SERPINB12: variants seen among roughly 807,000 people sequenced by gnomAD.
SERPINB12 encodes serpin B12.
A neutral mutation model predicts 41.1 loss-of-function variants in SERPINB12; 57 were observed. That is an observed-to-expected ratio of 1.39 (90% CI 1.12 to 1.73). The LOEUF is 1.73. Ranked by LOEUF, SERPINB12 falls within the 40% of genes most tolerant of loss-of-function variation. The probability of loss-of-function intolerance (pLI) is 0.00; values close to 1 mark genes in which losing one functional copy is unlikely to be tolerated. For synonymous variants in SERPINB12, 180 were observed against 181.3 expected, an observed-to-expected ratio of 0.99 and a Z score of 0.06; for missense variants, 536 against 501.9, an observed-to-expected ratio of 1.07 and a Z score of -0.65.
At chr18:63,522,775 C>CACAAAAGTTTT in the SERPINB12 span, among the ~76,000 whole-genome samples, 1 of 152,038 alleles carries the variant, frequency 6.6e-6, no homozygotes, top group African/African-American at 2.4e-5. Flanking sequence ...AAAACAATAA[C>CACAAAAGTTTT]TGTGGATGAC....
the SERPINB12 span, among the ~76,000 whole-genome samples, chr18:63,522,720 A>C: frequency 2.0e-5 from 3 of 152,300 alleles, no homozygotes; most frequent in Middle Eastern, 6.8e-3. Context: ...TACTGGTTAG[A>C]ATCTTTGCCA....
At chr18:63,523,065 C>T in the SERPINB12 span, among the ~76,000 whole-genome samples, 1 of 151,694 alleles carries the variant, frequency 6.6e-6, no homozygotes, top group Admixed American at 6.6e-5. Context: ...TGAGATGTTC[C>T]AGGGTCCTCT....
the SERPINB12 span, among the ~76,000 whole-genome samples, chr18:63,523,019 C>G: frequency 6.6e-6 from 1 of 151,958 alleles, no homozygotes; most frequent in Non-Finnish European, 1.5e-5. Flanking sequence ...ATTAATTCAG[C>G]CTAATTTAGT....
intron 4 of SERPINB12, among the ~76,000 whole-genome samples, chr18:63,559,998 T>G (rs1424701172): frequency 1.3e-5 from 2 of 152,148 alleles, no homozygotes; most frequent in Admixed American, 1.3e-4. Context: ...ACGTGTGGGC[T>G]TGGTAATGGC....
chr18:63,520,734 T>C, the SERPINB12 span, among the ~76,000 whole-genome samples: 1 of 152,080 alleles, frequency 6.6e-6, no homozygotes, highest in Non-Finnish European at 1.5e-5. Context: ...AGCCCAGTTG[T>C]GGGTAGGGGT....
At chr18:63,560,792 C>T (rs962300522) in intron 4 of SERPINB12, among the ~76,000 whole-genome samples, 2 of 152,112 alleles carry the variant, frequency 1.3e-5, no homozygotes, top group African/African-American at 4.8e-5. Context: ...CTTGTGATGG[C>T]TCCACAGATG....
chr18:63,562,921 A>G (rs1455169511), intron 5 of SERPINB12, among the ~76,000 whole-genome samples: 1 of 152,214 alleles, frequency 6.6e-6, no homozygotes, highest in East Asian at 1.9e-4. Context: ...GAAAGGGTGT[A>G]TACTAAAGGT....
At chr18:63,555,371 A>C (rs1910640203) in intron 1 of SERPINB12, among the ~76,000 whole-genome samples, 1 of 152,160 alleles carries the variant, frequency 6.6e-6, no homozygotes, top group South Asian at 2.1e-4. Flanking sequence ...ACCAGCCACA[A>C]TCTGTGGAGA....
chr18:63,555,780 G>C (rs935125145), intron 1 of SERPINB12, among the ~76,000 whole-genome samples: 4 of 152,186 alleles, frequency 2.6e-5, no homozygotes, highest in African/African-American at 9.6e-5. Flanking sequence ...AGAGAGGCAT[G>C]AAACAGATTT....
At chr18:63,556,572 C>G (rs1167169596) in intron 2 of SERPINB12, among the ~76,000 whole-genome samples, 2 of 152,172 alleles carry the variant, frequency 1.3e-5, no homozygotes, top group African/African-American at 2.4e-5. Context: ...TGTCTGGCAG[C>G]TTTTCTCATT....
At chr18:63,563,350 A>G (rs563525252) in intron 5 of SERPINB12, among the ~76,000 whole-genome samples, 1 of 152,338 alleles carries the variant, frequency 6.6e-6, no homozygotes, top group South Asian at 2.1e-4. Flanking sequence ...CAGATGACTA[A>G]CTATATAATT....
intron 1 of SERPINB12, among the ~76,000 whole-genome samples, chr18:63,554,397 T>G (rs1042350222): frequency 6.6e-6 from 1 of 152,246 alleles, no homozygotes; most frequent in Non-Finnish European, 1.5e-5. Context: ...TAATGTTATC[T>G]TTTTGAATTA....
the SERPINB12 span, among the ~76,000 whole-genome samples, chr18:63,535,352 G>A: frequency 6.6e-6 from 1 of 152,038 alleles, no homozygotes; most frequent in Non-Finnish European, 1.5e-5. Context: ...AGGTAGAATG[G>A]GAAAAAGGAA....
At chr18:63,553,086 C>T (rs577067832) in intron 1 of SERPINB12, among the ~76,000 whole-genome samples, 1 of 152,218 alleles carries the variant, frequency 6.6e-6, no homozygotes, top group Admixed American at 6.5e-5. Flanking sequence ...CCAGGTAACA[C>T]TCAGAAAAGG....
chr18:63,562,721 C>A (rs934225384), intron 5 of SERPINB12, among the ~76,000 whole-genome samples: 1 of 152,182 alleles, frequency 6.6e-6, no homozygotes, highest in Non-Finnish European at 1.5e-5. Flanking sequence ...ATTAATGAAG[C>A]TCATATTAAG....
chr18:63,558,431 T>C lies in SERPINB12; in HGVS notation c.248T>C (p.Leu83Pro), dbSNP rs1430859114. Residue 83 changes from leucine to proline, a missense_variant, in exon 3 of 8, where the codon CTG becomes CCG. By Grantham distance (98) the Leu-to-Pro change is moderately conservative. Transcript: ENST00000382768. ...CTGAAAAGCAACAAACAAAAAGTGC[T>C]GGCTGACAGCTCTCTGGAGGGGCAG... Reference protein sequence around the residue: ...PCLKSNKQKVLADSSLEGQKK... With the variant: ...PCLKSNKQKVPADSSLEGQKK... 6.2e-7 allele frequency: 1 copy of C among 1,613,842 alleles called. No individual in the cohort carries two copies.
chr18:63,546,158 G>A (rs1417522022), intron 1 of SERPINB12, among the ~76,000 whole-genome samples: 2 of 152,150 alleles, frequency 1.3e-5, no homozygotes, highest in African/African-American at 4.8e-5. Context: ...TAATATTGTT[G>A]TCTGACAACA....
At chr18:63,547,252 A>G (rs1017582663) in intron 1 of SERPINB12, among the ~76,000 whole-genome samples, 2 of 152,120 alleles carry the variant, frequency 1.3e-5, no homozygotes, top group African/African-American at 2.4e-5. Context: ...AACTTTTTAA[A>G]CTTTCACATA....
intron 1 of SERPINB12, among the ~76,000 whole-genome samples, chr18:63,554,823 A>T (rs1199461070): frequency 6.6e-6 from 1 of 152,074 alleles, no homozygotes; most frequent in Non-Finnish European, 1.5e-5. Context: ...TGATCCCCAT[A>T]ATCTCCACGT....
Sources: gnomAD v4.1 joint callset for allele counts (sites outside exome capture counted in the v4.1 genomes callset) on GRCh38, gnomAD v4.1.1 for gene constraint, MANE v1.5 for transcripts, NCBI Gene and HGNC (gene_info 2026-07-23, HGNC 2026-07-21) for gene names.